The following ADAM12 variants were observed in gnomAD, a reference collection of about 807,000 sequenced individuals.
ADAM12 encodes the protein ADAM metallopeptidase domain 12.
In ADAM12, 70 loss-of-function variants were observed where a neutral mutation model predicts 106.4. The ratio of observed to expected loss-of-function variants is 0.66; its 90% CI spans 0.54 to 0.80. The LOEUF (loss-of-function observed/expected upper bound fraction) is 0.80. Ranked by LOEUF, ADAM12 falls within the 30% of genes least tolerant of loss-of-function variation. ADAM12 has a pLI of 0.00. For missense variants in ADAM12, 1,010 were observed against 1,171.9 expected (o/e 0.86, Z 2.02); for synonymous variants, 420 against 433.5 (o/e 0.97, Z 0.39).
intron 2 of ADAM12, among the ~76,000 whole-genome samples, chr10:126,305,796 G>C (rs1960820114): frequency 6.6e-6 from 1 of 152,010 alleles, no homozygotes; most frequent in African/African-American, 2.4e-5. Context: ...CAGGCTAGTA[G>C]ACTCATTTTA....
At chr10:126,374,986 T>A (rs1015673402) in intron 1 of ADAM12, among the ~76,000 whole-genome samples, 7 of 152,018 alleles carry the variant, frequency 4.6e-5, no homozygotes, top group African/African-American at 1.4e-4. Flanking sequence ...GCAGGTTTAG[T>A]GCAAAGGCAC....
At chr10:126,347,870 G>A (rs1465860939) in intron 1 of ADAM12, among the ~76,000 whole-genome samples, 1 of 152,184 alleles carries the variant, frequency 6.6e-6, no homozygotes, top group African/African-American at 2.4e-5. Flanking sequence ...CCCTGAGAGT[G>A]GAGGCTGGGA....
At position 126,075,676 on chromosome 10, in the gene ADAM12, C is replaced by T. The variant is rs139520076; in HGVS notation, c.1146-4022G>A. Reference sequence around the variant, plus strand: ...ACCCGAAGGGAAGAAGGTGTGAGTGCACCTCGGGAAAGAGCTGGTACAAGT... The same window carrying T: ...ACCCGAAGGGAAGAAGGTGTGAGTGTACCTCGGGAAAGAGCTGGTACAAGT... On this transcript the variant is annotated intron_variant, in intron 11 of 22. Coordinates refer to ENST00000448723, the MANE Select transcript of ADAM12 (RefSeq NM_001288973.2). Among the ~76,000 whole-genome samples, 59 of 152,312 alleles carry T rather than the reference C, an allele frequency of 3.9e-4. No individual in the cohort carries two copies. The East Asian group carries it at 5.4e-3, about 14-fold the overall frequency.
chr10:126,135,432 A>G, intron 5 of ADAM12, 152 bp downstream of exon 5: 1 of 687,976 alleles, frequency 1.5e-6, no homozygotes, highest in Non-Finnish European at 2.5e-6. Flanking sequence ...CAGTGGAGAG[A>G]GGGCCTCCGT....
intron 4 of ADAM12, among the ~76,000 whole-genome samples, chr10:126,138,417 T>C (rs1038336264): frequency 2.0e-5 from 3 of 152,180 alleles, no homozygotes; most frequent in African/African-American, 7.2e-5. Context: ...CTCTGTCACC[T>C]AGGCTGGAGT....
chr10:126,294,210 A>G (rs1960274460), intron 2 of ADAM12, among the ~76,000 whole-genome samples: 1 of 152,232 alleles, frequency 6.6e-6, no homozygotes, highest in Non-Finnish European at 1.5e-5. Context: ...TTTGCTACAA[A>G]GTCAAAGTCA....
intron 1 of ADAM12, among the ~76,000 whole-genome samples, chr10:126,340,218 G>C (rs879474245): frequency 1.3e-5 from 2 of 152,190 alleles, no homozygotes; most frequent in Non-Finnish European, 2.9e-5. Flanking sequence ...CCTAAGAATG[G>C]ATTGTATAAA....
At chr10:126,042,884 T>C (rs912410607) in intron 18 of ADAM12, among the ~76,000 whole-genome samples, 156 bp downstream of exon 18, 3 of 152,148 alleles carry the variant, frequency 2.0e-5, no homozygotes, top group Non-Finnish European at 4.4e-5. Flanking sequence ...GAGAGGGGCA[T>C]CTGGAAACTG....
chr10:126,335,508 A>G (rs191793352), intron 1 of ADAM12, among the ~76,000 whole-genome samples: 1 of 152,330 alleles, frequency 6.6e-6, no homozygotes, highest in East Asian at 1.9e-4. Flanking sequence ...AGGAAATCTT[A>G]CAGAACTGAG....
chr10:126,027,105 A>G (rs1953887913), intron 21 of ADAM12, among the ~76,000 whole-genome samples: 1 of 152,228 alleles, frequency 6.6e-6, no homozygotes, highest in African/African-American at 2.4e-5. Context: ...CTATCAGAGA[A>G]TACTATAAAC....
intron 8 of ADAM12, among the ~76,000 whole-genome samples, chr10:126,105,669 TAGAC>T (rs1470715694): frequency 6.6e-6 from 1 of 152,188 alleles, no homozygotes; most frequent in Non-Finnish European, 1.5e-5. Flanking sequence ...TATAAACAAA[TAGAC>T]AAACAAACTC....
intron 2 of ADAM12, among the ~76,000 whole-genome samples, chr10:126,284,922 A>C (rs1959776387): frequency 6.6e-6 from 1 of 152,138 alleles, no homozygotes; most frequent in Non-Finnish European, 1.5e-5. Context: ...ACCCATACAC[A>C]CTTGTCTGTC....
chr10:126,180,846 A>G (rs1174420935), intron 3 of ADAM12, among the ~76,000 whole-genome samples: 3 of 152,178 alleles, frequency 2.0e-5, no homozygotes, highest in Non-Finnish European at 4.4e-5. Flanking sequence ...AGAGAGGGCC[A>G]TCGTTACTGC....
rs1048193977 is a variant in ADAM12, at chr10:126,039,889, G to A, written c.2105-460C>T. 2.6e-5 allele frequency among the ~76,000 whole-genome samples: 4 copies of A among 152,148 alleles called. No homozygotes were observed. The South Asian group carries it at 6.2e-4, about 24-fold the overall frequency. On this transcript the variant is annotated intron_variant, in intron 18 of 22. Transcript: ENST00000448723. Reference sequence around the variant, plus strand: ...GTTGGGTTCTGCTTTATCTCTTTTCGTGTTTTTAAAAAATGAATTGCTTTC... The same window carrying A: ...GTTGGGTTCTGCTTTATCTCTTTTCATGTTTTTAAAAAATGAATTGCTTTC...
At chr10:126,040,763 T>A (rs571149454) in intron 18 of ADAM12, among the ~76,000 whole-genome samples, 113 of 152,272 alleles carry the variant, frequency 7.4e-4, no homozygotes, top group African/African-American at 2.5e-3. Context: ...TCTAGTTCCA[T>A]AAAGTGAATC....
Position 126,066,591 on chromosome 10 carries a change from G to T in ADAM12, c.1413+126C>A. Reference sequence around the variant, plus strand: ...GGGTAACACCAACTGGCGTGAGAAGGAGGGATGGTGCGTGCTGTGGTGAGT... The same window carrying T: ...GGGTAACACCAACTGGCGTGAGAAGTAGGGATGGTGCGTGCTGTGGTGAGT... On this transcript the variant is annotated intron_variant, in intron 13 of 22. Coordinates refer to ENST00000448723, the MANE Select transcript of ADAM12 (RefSeq NM_001288973.2). This position sits in a 1 kb window ranked among gnomAD's most constrained non-coding sequence, Gnocchi z 5.1. 1 of 838,232 alleles carries T rather than the reference G, an allele frequency of 1.2e-6. No individual in the cohort carries two copies. Among genetic ancestry groups the T allele is most frequent in the Middle Eastern group, 3.4e-4 (1 of 2,922 alleles). 51.9% of individuals were successfully genotyped at this position (838,232 alleles called of 1,614,324 possible). A position where few individuals can be genotyped will look rare whatever the true frequency, so the allele number is the denominator to read the frequency against.
chr10:126,110,535 C>A (rs1037804), intron 6 of ADAM12, among the ~76,000 whole-genome samples: 9,858 of 151,792 alleles, frequency 0.065, 868 homozygotes, highest in African/African-American at 0.2. Context: ...TAAGAAAAAA[C>A]TAAGACTGCA....
At chr10:126,351,308 G>A (rs1855349483) in intron 1 of ADAM12, among the ~76,000 whole-genome samples, 2 of 151,732 alleles carry the variant, frequency 1.3e-5, no homozygotes, top group Admixed American at 1.3e-4. Flanking sequence ...TGGGAGCTCT[G>A]TCCTCTGCCA....
At chr10:126,292,937 G>T (rs1404259487) in intron 2 of ADAM12, among the ~76,000 whole-genome samples, 1 of 152,162 alleles carries the variant, frequency 6.6e-6, no homozygotes, top group Non-Finnish European at 1.5e-5. Context: ...AGATATCATT[G>T]CGCCCACCTC....
Sources: gnomAD v4.1 joint callset for allele counts (sites outside exome capture counted in the v4.1 genomes callset) on GRCh38, gnomAD v4.1.1 for gene constraint, Gnocchi (gnomAD v3.1) non-coding constraint, MANE v1.5 for transcripts, NCBI Gene and HGNC (gene_info 2026-07-23, HGNC 2026-07-21) for gene names.